OSBPL3: variants seen among roughly 807,000 people sequenced by gnomAD.
OSBPL3 encodes the protein oxysterol-binding protein-related protein 3.
Under a neutral mutation model 120.1 loss-of-function variants are expected in OSBPL3, and 65 were observed. That is an observed-to-expected ratio of 0.54 (90% CI 0.44 to 0.67). OSBPL3 has a LOEUF of 0.67. OSBPL3 is among the 30% of genes least tolerant of loss of function. The pLI, the probability that OSBPL3 is intolerant of heterozygous loss-of-function variation, is 0.00. For missense variants in OSBPL3, 1,004 were observed against 1,082.1 expected (o/e 0.93, Z 1.01); for synonymous variants, 416 against 402.6 (o/e 1.03, Z -0.40).
chr7:24,910,745 G>C (rs1261644362), intron 1 of OSBPL3, among the ~76,000 whole-genome samples: 1 of 152,234 alleles, frequency 6.6e-6, no homozygotes, highest in Non-Finnish European at 1.5e-5. Context: ...TGGGGCTGGA[G>C]TTGTGAGAAA....
rs999478352 is a variant in OSBPL3, at chr7:24,834,181, C to T, written c.1746+305G>A. The T allele has an allele frequency of 2.8e-6, 3 of 1,088,958 alleles. No individual in the cohort carries two copies. The highest frequency in any genetic ancestry group is 3.3e-5 in the African/African-American group (2 of 60,286). The allele number at this position is 1,088,958 out of a possible 1,614,324, so 67.5% of individuals were successfully genotyped here. ...CAGCCCTAAAGACATGTTTTCCAGC[C>T]GGGCACATCGGAACAATCAGCCAGA... is the stretch of plus-strand genomic sequence containing the variant. On this transcript the variant is annotated intron_variant, in intron 15 of 22. Transcript: ENST00000313367. This position sits in a 1 kb window ranked among gnomAD's most constrained non-coding sequence, Gnocchi z 5.2.
intron 1 of OSBPL3, among the ~76,000 whole-genome samples, chr7:24,969,659 G>A (rs1816781914): frequency 1.3e-5 from 2 of 151,924 alleles, no homozygotes; most frequent in South Asian, 4.2e-4. Flanking sequence ...TATCCCTTGT[G>A]GAATCATCTT....
rs1302084617 is a variant in OSBPL3, at chr7:24,940,666, AG to A, written c.-150+39219del. On this transcript the variant is annotated intron_variant, in intron 1 of 22. Coordinates refer to ENST00000313367, the MANE Select transcript of OSBPL3 (RefSeq NM_015550.4). This position sits in a 1 kb window ranked among gnomAD's most constrained non-coding sequence, Gnocchi z 4.4. ...GGAGGTACCTAAAACCAAGGAGATGAGGAACGGTGAATGAAGATGTCAGGTA... is the reference window on the plus strand; with the variant it reads ...GGAGGTACCTAAAACCAAGGAGATGAGAACGGTGAATGAAGATGTCAGGTA... Among the ~76,000 whole-genome samples the A allele has an allele frequency of 6.6e-6, 1 of 152,090 alleles. No individual in the cohort carries two copies. Among genetic ancestry groups the A allele is most frequent in the Non-Finnish European group, 1.5e-5 (1 of 68,008 alleles).
intron 7 of OSBPL3, 28 bp downstream of exon 7, chr7:24,865,314 A>G: frequency 6.2e-7 from 1 of 1,611,752 alleles, no homozygotes; most frequent in African/African-American, 1.3e-5. Flanking sequence ...TAGCCACAAC[A>G]GAAAGCAGAC....
rs957104518 is a variant in OSBPL3 at position 24,964,463 on chromosome 7, A to G, written c.-150+15423T>C. ...AAAACCCATAACCCCAGTCCAATAC[A>G]AGAAAATCATCAGACAAATCCCAGT... On this transcript the variant is annotated intron_variant, in intron 1 of 22. Transcript: ENST00000313367. The surrounding 1 kb of genome is among the most constrained non-coding windows in gnomAD (Gnocchi z 4.2). Among the ~76,000 whole-genome samples, 1 of 152,234 alleles carries G rather than the reference A, an allele frequency of 6.6e-6. No individual in the cohort carries two copies. Among genetic ancestry groups the G allele is most frequent in the African/African-American group, 2.4e-5 (1 of 41,452 alleles).
At position 24,835,530 on chromosome 7, in the gene OSBPL3, A is replaced by C. The variant is rs1446696966; in HGVS notation, c.1496-794T>G. On this transcript the variant is annotated intron_variant, in intron 14 of 22. Coordinates refer to ENST00000313367, the MANE Select transcript of OSBPL3 (RefSeq NM_015550.4). The surrounding 1 kb of genome is among the most constrained non-coding windows in gnomAD (Gnocchi z 4.8). ...CAATTTCTCAAAGAACTTAAAACAG[A>C]ACTGCCACTCAACTCAGCAATCCCA... Among the ~76,000 whole-genome samples, 1 of 152,168 alleles carries C rather than the reference A, an allele frequency of 6.6e-6. No homozygotes were observed. Among genetic ancestry groups the C allele is most frequent in the Non-Finnish European group, 1.5e-5 (1 of 68,036 alleles).
intron 1 of OSBPL3, among the ~76,000 whole-genome samples, chr7:24,943,840 G>A (rs563512170): frequency 5.9e-5 from 9 of 152,136 alleles, no homozygotes; most frequent in East Asian, 3.9e-4. Context: ...ATATGCCTTC[G>A]GTTGGTCCAT....
At position 24,849,314 on chromosome 7, in the gene OSBPL3, T is replaced by G; in HGVS notation, c.1159-138A>C. The stretch of plus-strand genomic sequence containing the variant: ...TGGTCTGACAGCGCACTTTCTGGAC[T>G]TTTTCCTTGAATGCTCTCCAAGAGG... On this transcript the variant is annotated intron_variant, in intron 11 of 22. Transcript: ENST00000313367. The surrounding 1 kb of genome is among the most constrained non-coding windows in gnomAD (Gnocchi z 5.4). 1 of 579,292 alleles carries G rather than the reference T, an allele frequency of 1.7e-6. No homozygotes were observed. The highest frequency in any genetic ancestry group is 3.1e-6 in the Non-Finnish European group (1 of 327,300). 35.9% of individuals were successfully genotyped at this position (579,292 alleles called of 1,614,324 possible). A position where few individuals can be genotyped will look rare whatever the true frequency, so the allele number is the denominator to read the frequency against.
rs760893405 is a variant in OSBPL3 at position 24,815,077 on chromosome 7, G to T, written c.2154C>A (p.Cys718Ter). Residue 718 changes from cysteine to a stop codon, truncating the protein, a stop_gained, in exon 19 of 23, where the codon TGC becomes TGA. Transcript: ENST00000313367. LOFTEE classifies it high-confidence loss of function. This position sits in a 1 kb window ranked among gnomAD's most constrained non-coding sequence, Gnocchi z 5.1. ...GAGTTACCTTTATAAAATTCACTTT[G>T]CAGTAGCAGGAATCATCATGCAGGT... Reference protein sequence around the residue: ...IKNLHDDSCYCKVNFIKAKYW... With the variant: ...IKNLHDDSCY 21 of 1,614,038 alleles carry T rather than the reference G, an allele frequency of 1.3e-5. No homozygotes were observed. Among genetic ancestry groups the T allele is most frequent in the Non-Finnish European group, 1.7e-5 (20 of 1,179,912 alleles).
Position 24,918,134 on chromosome 7 carries a change from T to C in OSBPL3, c.-149-25513A>G. The stretch of plus-strand genomic sequence containing the variant: ...GTATCAGGCTCACAGCAGCCAGTAA[T>C]GACACCTGGATACTCTTTGTTTACA... On this transcript the variant is annotated intron_variant, in intron 1 of 22. Coordinates refer to ENST00000313367, the MANE Select transcript of OSBPL3 (RefSeq NM_015550.4). The surrounding 1 kb of genome is among the most constrained non-coding windows in gnomAD (Gnocchi z 4.3). 1.1e-6 allele frequency: 1 copy of C among 908,266 alleles called. No individual in the cohort carries two copies. The highest frequency in any genetic ancestry group is 1.3e-6 in the Non-Finnish European group (1 of 759,750). 56.3% of individuals were successfully genotyped at this position (908,266 alleles called of 1,614,324 possible).
chr7:24,972,604 G>A lies in OSBPL3; in HGVS notation c.-150+7282C>T, dbSNP rs1257193019. Among the ~76,000 whole-genome samples the A allele has an allele frequency of 6.6e-6, 1 of 152,194 alleles. No homozygotes were observed. The highest frequency in any genetic ancestry group is 2.4e-5 in the African/African-American group (1 of 41,442). Reference sequence around the variant, plus strand: ...GCCTGGTGTCTGGCACATGGCATGTGCTTAATAAATATTTGTGAAACGTAT... The same window carrying A: ...GCCTGGTGTCTGGCACATGGCATGTACTTAATAAATATTTGTGAAACGTAT... On this transcript the variant is annotated intron_variant, in intron 1 of 22. Transcript: ENST00000313367. The surrounding 1 kb of genome is among the most constrained non-coding windows in gnomAD (Gnocchi z 4.3).
At chr7:24,909,432 C>G (rs1421522628) in intron 1 of OSBPL3, among the ~76,000 whole-genome samples, 3 of 152,160 alleles carry the variant, frequency 2.0e-5, no homozygotes, top group Non-Finnish European at 2.9e-5. Flanking sequence ...GTGGTGATAG[C>G]TGGACCCAGA....
At chr7:24,842,167 C>CA (rs1797860448) in intron 13 of OSBPL3, 112 bp downstream of exon 13, 2 of 1,121,482 alleles carry the variant, frequency 1.8e-6, no homozygotes, top group Non-Finnish European at 2.6e-6. Context: ...ATAATGACTA[C>CA]AAAGGGCAAC....
chr7:24,848,018 G>A (rs1445672897), intron 12 of OSBPL3, among the ~76,000 whole-genome samples: 1 of 152,184 alleles, frequency 6.6e-6, no homozygotes, highest in Admixed American at 6.5e-5. Flanking sequence ...ACAAGCTTCT[G>A]CCAGACAGAG....
At chr7:24,976,442 A>G (rs1338248525) in intron 1 of OSBPL3, among the ~76,000 whole-genome samples, 1 of 152,188 alleles carries the variant, frequency 6.6e-6, no homozygotes, top group Non-Finnish European at 1.5e-5. Flanking sequence ...ACCCTGAACT[A>G]AGATGCTGCA....
Position 24,877,808 on chromosome 7 carries a change from A to G in OSBPL3, c.97-5739T>C, listed in dbSNP as rs1803057156. Among the ~76,000 whole-genome samples the G allele has an allele frequency of 6.6e-6, 1 of 152,132 alleles. No individual in the cohort carries two copies. The highest frequency in any genetic ancestry group is 2.1e-4 in the South Asian group (1 of 4,824). On this transcript the variant is annotated intron_variant, in intron 2 of 22. Coordinates refer to ENST00000313367, the MANE Select transcript of OSBPL3 (RefSeq NM_015550.4). This position sits in a 1 kb window ranked among gnomAD's most constrained non-coding sequence, Gnocchi z 4.8. ...GAGTAGGGCAGGCACCTTGAGCTGC[A>G]TATCCTGAGACACAGTACAGGGTAG... is the stretch of plus-strand genomic sequence containing the variant.
At chr7:24,816,337 A>T (rs1794460520) in intron 18 of OSBPL3, among the ~76,000 whole-genome samples, 1 of 152,298 alleles carries the variant, frequency 6.6e-6, no homozygotes, top group Non-Finnish European at 1.5e-5. Context: ...TAAAACCACC[A>T]TTCTTAATCT....
rs1489780146 is a variant in OSBPL3, at chr7:24,830,276, T to C, written c.1884+492A>G. ...TGCAATATCCTAGCACCTGGAACAG[T>C]GGCAGGCACATGGTATACGTTCTAG... On this transcript the variant is annotated intron_variant, in intron 16 of 22. Transcript: ENST00000313367. The surrounding 1 kb of genome is among the most constrained non-coding windows in gnomAD (Gnocchi z 4.4). 6.6e-6 allele frequency among the ~76,000 whole-genome samples: 1 copy of C among 152,124 alleles called. No homozygotes were observed. Among genetic ancestry groups the C allele is most frequent in the Non-Finnish European group, 1.5e-5 (1 of 68,028 alleles).
rs1229826694 is a variant in OSBPL3 at position 24,802,192 on chromosome 7, C to T, written c.2568-1913G>A. Among the ~76,000 whole-genome samples the T allele has an allele frequency of 6.6e-6, 1 of 152,168 alleles. No homozygotes were observed. Among genetic ancestry groups the T allele is most frequent in the South Asian group, 2.1e-4 (1 of 4,834 alleles). ...GTCAATCTGTGTATCAGACAGTTCACTATTTTAAAACAAAGAGGCTCAATT... is the reference window on the plus strand; with the variant it reads ...GTCAATCTGTGTATCAGACAGTTCATTATTTTAAAACAAAGAGGCTCAATT... On this transcript the variant is annotated intron_variant, in intron 22 of 22. Transcript: ENST00000313367. This position sits in a 1 kb window ranked among gnomAD's most constrained non-coding sequence, Gnocchi z 4.1.
Sources: gnomAD v4.1 joint callset for allele counts (sites outside exome capture counted in the v4.1 genomes callset) on GRCh38, gnomAD v4.1.1 for gene constraint, Gnocchi (gnomAD v3.1) non-coding constraint, MANE v1.5 for transcripts, NCBI Gene and HGNC (gene_info 2026-07-23, HGNC 2026-07-21) for gene names.